The following SPTBN1 variants were observed in gnomAD, a reference collection of about 807,000 sequenced individuals.
SPTBN1 encodes the protein spectrin beta chain, non-erythrocytic 1.
In SPTBN1, 32 loss-of-function variants were observed where a neutral mutation model predicts 266.4. That is an observed-to-expected ratio of 0.12 (90% CI 0.09 to 0.16). The LOEUF (loss-of-function observed/expected upper bound fraction) is 0.16. Among genes scored for constraint, SPTBN1 ranks in the 10% least tolerant of loss-of-function variants. The pLI is 1.00. For missense variants in SPTBN1, 2,296 were observed against 3,067.1 expected (o/e 0.75, Z 5.94); for synonymous variants, 1,336 against 1,162.2 (o/e 1.15, Z -3.04).
chr2:54,508,106 C>G (rs1476423006), intron 1 of SPTBN1, among the ~76,000 whole-genome samples: 1 of 152,154 alleles, frequency 6.6e-6, no homozygotes, highest in Non-Finnish European at 1.5e-5. Context: ...TGAGGAAAAA[C>G]CAGGTGCCAC....
intron 2 of SPTBN1, among the ~76,000 whole-genome samples, chr2:54,578,262 TG>T (rs1165160150): frequency 2.0e-5 from 3 of 152,250 alleles, no homozygotes; most frequent in Non-Finnish European, 4.4e-5. Flanking sequence ...TCAAAGGTGA[TG>T]GCATTACCCA....
rs117339868 is a variant in SPTBN1, at chr2:54,526,649, C to T, written c.148+83C>T. On this transcript the variant is annotated intron_variant, in intron 2 of 35. Transcript: ENST00000356805. ...AAAATCATCCACCCTGTTCCCATGA[C>T]GCTGTCATGTTCGAAGGTTGTCTCA... The T allele has an allele frequency of 1.2e-3, 1,797 of 1,473,000 alleles. 11 individuals carry two copies. In the East Asian group the frequency reaches 0.016, roughly 13 times the overall value. The allele number at this position is 1,473,000 out of a possible 1,614,324, so 91.2% of individuals were successfully genotyped here.
chr2:54,650,424 G>A (rs181800840), intron 26 of SPTBN1, among the ~76,000 whole-genome samples: 6 of 152,326 alleles, frequency 3.9e-5, no homozygotes, highest in Admixed American at 2.0e-4. Context: ...GAAATGACTG[G>A]CACTAAGACT....
intron 2 of SPTBN1, among the ~76,000 whole-genome samples, chr2:54,580,570 C>T (rs1674824006): frequency 1.3e-5 from 2 of 151,024 alleles, no homozygotes; most frequent in Non-Finnish European, 2.9e-5. Flanking sequence ...GGATTATAAT[C>T]CAAGTGTATT....
At position 54,664,912 on chromosome 2, in the gene SPTBN1, G is replaced by T; in HGVS notation, c.6659+221G>T. 1 of 555,228 alleles carries T rather than the reference G, an allele frequency of 1.8e-6. No individual in the cohort carries two copies. Among genetic ancestry groups the T allele is most frequent in the Non-Finnish European group, 3.2e-6 (1 of 312,262 alleles). The allele number at this position is 555,228 out of a possible 1,614,324, so 34.4% of individuals were successfully genotyped here. ...AGTTGAGTTTGGATGGGAGTAGCTA[G>T]AAGGGGCTTTAGTAGTTCATCTAGA... is the stretch of plus-strand genomic sequence containing the variant. On this transcript the variant is annotated intron_variant, in intron 33 of 35. Coordinates refer to ENST00000356805, the MANE Select transcript of SPTBN1 (RefSeq NM_003128.3). The surrounding 1 kb of genome is among the most constrained non-coding windows in gnomAD (Gnocchi z 5.6).
At position 54,631,012 on chromosome 2, in the gene SPTBN1, G is replaced by T. The variant is rs1027265350; in HGVS notation, c.2965G>T (p.Ala989Ser). Reference protein sequence around the residue: ...ESTQDLGNDLAGVMALQRKLT... With the variant: ...ESTQDLGNDLSGVMALQRKLT... ...CACCCAGGACCTGGGCAATGACCTG[G>T]CTGGCGTCATGGCCCTGCAGCGCAA... The change falls in exon 16 of 36, where the codon GCT (alanine) becomes TCT (serine). Residue 989 changes from alanine (A) to serine (S), a missense_variant. Around this residue, in one of 12 missense-constraint regions of SPTBN1, gnomAD observed 128 missense variants for 176.5 expected, o/e 0.73. Transcript: ENST00000356805. 2.3e-5 allele frequency: 37 copies of T among 1,614,016 alleles called. No homozygotes were observed. Among genetic ancestry groups the T allele is most frequent in the Non-Finnish European group, 3.1e-5 (37 of 1,180,008 alleles).
At chr2:54,570,215 C>T (rs183529573) in intron 2 of SPTBN1, among the ~76,000 whole-genome samples, 86 of 152,310 alleles carry the variant, frequency 5.6e-4, no homozygotes, top group African/African-American at 2.0e-3. Flanking sequence ...CTGTGTTTGC[C>T]TTTGAAAGGC....
chr2:54,538,943 A>T (rs1455303789), intron 2 of SPTBN1, among the ~76,000 whole-genome samples: 1 of 152,082 alleles, frequency 6.6e-6, no homozygotes, highest in East Asian at 1.9e-4. Context: ...TTTGCAGGAA[A>T]CCCAAGCTCT....
chr2:54,479,279 C>T (rs1489398791), intron 1 of SPTBN1, among the ~76,000 whole-genome samples: 2 of 152,158 alleles, frequency 1.3e-5, no homozygotes, highest in African/African-American at 4.8e-5. Context: ...AACCGCCTCC[C>T]CCCCAAGTTG....
chr2:54,491,120 T>C (rs1668663068), intron 1 of SPTBN1, among the ~76,000 whole-genome samples: 1 of 152,200 alleles, frequency 6.6e-6, no homozygotes, highest in African/African-American at 2.4e-5. Flanking sequence ...GGCAATAATT[T>C]GGTTAAGAAA....
chr2:54,660,860 A>G (rs1680990407), intron 32 of SPTBN1: 1 of 985,290 alleles, frequency 1.0e-6, no homozygotes, highest in Non-Finnish European at 1.2e-6. Flanking sequence ...GGGACGCGGC[A>G]GGTGACAGCC....
rs3796016 is a variant in SPTBN1 at position 54,580,358 on chromosome 2, A to C, written c.149-18734A>C. Among the ~76,000 whole-genome samples the C allele has an allele frequency of 7.9e-3, 1,202 of 152,310 alleles. 13 individuals are homozygous for C. Among genetic ancestry groups the C allele is most frequent in the South Asian group, 0.064 (310 of 4,820 alleles). ...ATCTGAAACTTTTAGCAAACCAGTAATATTTAGAGGCTTCTGCCCACTCTG... is the reference window on the plus strand; with the variant it reads ...ATCTGAAACTTTTAGCAAACCAGTACTATTTAGAGGCTTCTGCCCACTCTG... On this transcript the variant is annotated intron_variant, in intron 2 of 35. Transcript: ENST00000356805.
chr2:54,657,776 T>A (rs1680770377), intron 29 of SPTBN1, 74 bp from the exon 30 acceptor site: 1 of 1,578,032 alleles, frequency 6.3e-7, no homozygotes, highest in Non-Finnish European at 8.7e-7. Context: ...AGGGCAGCAG[T>A]GCCAAGAGGT....
At chr2:54,660,833 C>A in intron 32 of SPTBN1, 1 of 985,476 alleles carries the variant, frequency 1.0e-6, no homozygotes, top group Non-Finnish European at 1.2e-6. Context: ...CGCTCCCTGT[C>A]AGTGCTGCTG....
chr2:54,544,373 T>C (rs1340346687), intron 2 of SPTBN1, among the ~76,000 whole-genome samples: 1 of 152,234 alleles, frequency 6.6e-6, no homozygotes, highest in Non-Finnish European at 1.5e-5. Flanking sequence ...TCCCTACAAT[T>C]ACTCCATATT....
At chr2:54,660,506 A>G in intron 32 of SPTBN1, 1 of 986,872 alleles carries the variant, frequency 1.0e-6, no homozygotes, top group African/African-American at 1.7e-5. Context: ...TTAACTAGGA[A>G]GACTGGTGTA....
chr2:54,552,639 T>G (rs1558831704), intron 2 of SPTBN1, among the ~76,000 whole-genome samples: 1 of 151,848 alleles, frequency 6.6e-6, no homozygotes, highest in Non-Finnish European at 1.5e-5. Flanking sequence ...GTATTTTCAA[T>G]AGAGACTGGG....
At chr2:54,502,010 T>A (rs1432097796) in intron 1 of SPTBN1, among the ~76,000 whole-genome samples, 1 of 152,208 alleles carries the variant, frequency 6.6e-6, no homozygotes, top group Non-Finnish European at 1.5e-5. Flanking sequence ...GGAGCTTTGG[T>A]TCATTTCCAG....
intron 2 of SPTBN1, among the ~76,000 whole-genome samples, chr2:54,587,348 A>C (rs984900254): frequency 1.3e-5 from 2 of 152,166 alleles, no homozygotes; most frequent in Non-Finnish European, 2.9e-5. Flanking sequence ...CATATGTTGC[A>C]ATTATACTAC....
Sources: allele counts gnomAD v4.1 joint callset (sites outside exome capture counted in the v4.1 genomes callset), GRCh38; gene constraint gnomAD v4.1.1; regional missense constraint gnomAD v4.1.1; non-coding constraint Gnocchi (gnomAD v3.1); transcripts MANE v1.5; gene names NCBI Gene and HGNC (gene_info 2026-07-23, HGNC 2026-07-21).